The following PCM1 variants were observed in gnomAD, a reference collection of about 807,000 sequenced individuals.
PCM1 encodes the protein pericentriolar material 1 protein.
In PCM1, 157 loss-of-function variants were observed where a neutral mutation model predicts 241.9. The observed-to-expected ratio is 0.65, with a 90% CI of 0.57 to 0.74. The LOEUF is 0.74. Ranked by LOEUF, PCM1 falls within the 30% of genes least tolerant of loss-of-function variation. The pLI is 0.00. For synonymous variants in PCM1, 1,085 were observed against 784.9 expected, an observed-to-expected ratio of 1.38 and a Z score of -6.39; for missense variants, 3,478 against 2,360.1, an observed-to-expected ratio of 1.47 and a Z score of -9.81.
At chr8:17,978,877 G>A (rs1431732906) in intron 23 of PCM1, among the ~76,000 whole-genome samples, 2 of 152,190 alleles carry the variant, frequency 1.3e-5, no homozygotes, top group East Asian at 1.9e-4. Flanking sequence ...TTTCAGACAT[G>A]TAATGATGAT....
At chr8:17,940,039 C>G in intron 6 of PCM1, 178 bp downstream of exon 6, 1 of 1,541,886 alleles carries the variant, frequency 6.5e-7, no homozygotes, top group Non-Finnish European at 8.8e-7. Flanking sequence ...TAAAATATTT[C>G]AGGCTAGAGA....
At chr8:17,994,723 A>G (rs566842813) in intron 29 of PCM1, among the ~76,000 whole-genome samples, 10 of 146,568 alleles carry the variant, frequency 6.8e-5, no homozygotes, top group African/African-American at 2.8e-4. Flanking sequence ...TCTTTGGGAT[A>G]AGTGCCATTT....
intron 36 of PCM1, among the ~76,000 whole-genome samples, chr8:18,024,081 C>G (rs887728693): frequency 6.6e-6 from 1 of 152,228 alleles, no homozygotes; most frequent in Non-Finnish European, 1.5e-5. Flanking sequence ...CAGCCTTAAT[C>G]TTCCTTGAAT....
chr8:17,938,858 A>G lies in PCM1; in HGVS notation c.461A>G (p.Lys154Arg), dbSNP rs779837664. The G allele has an allele frequency of 4.3e-6, 7 of 1,613,738 alleles. No individual in the cohort carries two copies. The South Asian group carries it at 5.5e-5, about 13-fold the overall frequency. Residue 154 changes from lysine to arginine, a missense_variant, in exon 5 of 39, where the codon AAA becomes AGA. Physicochemically the swap from Lys to Arg is conservative, Grantham distance 26. Transcript: ENST00000325083. ...ATGCAGATTAATACTAACAAGAGCA[A>G]AGATGCATCTACAAACCCCCCAAAC... ...LPMQINTNKS[K>R]DASTNPPNRE...
chr8:18,006,106 C>G (rs2091242936), intron 29 of PCM1, 157 bp from the exon 30 acceptor site: 1 of 646,888 alleles, frequency 1.5e-6, no homozygotes, highest in Non-Finnish European at 2.5e-6. Flanking sequence ...AGGAGTTTGG[C>G]TTTTCTTATG....
chr8:17,998,960 G>C (rs1432826727), intron 29 of PCM1, among the ~76,000 whole-genome samples: 1 of 152,152 alleles, frequency 6.6e-6, no homozygotes, highest in Non-Finnish European at 1.5e-5. Context: ...CGGCCCATGA[G>C]TTCTGCTAAT....
Position 17,955,622 on chromosome 8 carries a change from G to C in PCM1, c.1441G>C (p.Glu481Gln). Residue 481 changes from glutamate to glutamine, a missense_variant, in exon 10 of 39, where the codon GAA becomes CAA. Glu to Gln is a conservative substitution (Grantham distance 29). Transcript: ENST00000325083. ...SLVSQNESENEGHLNPSEKLQ... is the reference protein window; with the variant it reads ...SLVSQNESENQGHLNPSEKLQ... ...AGTATCTCAGAATGAGAGTGAAAACGAAGGCCACCTCAATCCATCTGAAAA... is the reference window on the plus strand; with the variant it reads ...AGTATCTCAGAATGAGAGTGAAAACCAAGGCCACCTCAATCCATCTGAAAA... 1 of 1,613,266 alleles carries C rather than the reference G, an allele frequency of 6.2e-7. No homozygotes were observed. The highest frequency in any genetic ancestry group is 8.5e-7 in the Non-Finnish European group (1 of 1,179,498).
chr8:17,966,058 G>A lies in PCM1; in HGVS notation c.2915G>A (p.Arg972Lys). The A allele has an allele frequency of 3.7e-6, 6 of 1,613,848 alleles. No homozygotes were observed. The highest frequency in any genetic ancestry group is 5.1e-6 in the Non-Finnish European group (6 of 1,179,842). Residue 972 changes from arginine to lysine, a missense_variant, in exon 19 of 39, where the codon AGG (arginine) becomes AAG (lysine). By Grantham distance (26) the Arg-to-Lys change is conservative (BLOSUM62 2). Transcript: ENST00000325083. ...DENYRPLAKT[R>K]QQNISMQRQE... ...AATTATCGTCCTTTAGCCAAGACAA[G>A]GCAACAGAATATCAGCATGCAACGG...
chr8:18,011,574 A>C, intron 33 of PCM1, 93 bp from the exon 34 acceptor site: 2 of 1,196,376 alleles, frequency 1.7e-6, no homozygotes, highest in Non-Finnish European at 2.3e-6. Flanking sequence ...ACTGTATATA[A>C]AGCATCTGTG....
intron 23 of PCM1, among the ~76,000 whole-genome samples, chr8:17,979,257 G>T (rs997076899): frequency 2.0e-5 from 3 of 152,050 alleles, no homozygotes; most frequent in Non-Finnish European, 2.9e-5. Flanking sequence ...GATTCCTTCT[G>T]TCCCACCATC....
chr8:18,002,078 CT>C (rs1564305156), intron 29 of PCM1, among the ~76,000 whole-genome samples: 1 of 17,094 alleles, frequency 5.9e-5, no homozygotes, highest in Admixed American at 8.1e-4. Context: ...TTTTTTTTTT[CT>C]TTTTTTTATT....
chr8:17,944,068 A>G (rs930441240), intron 6 of PCM1, among the ~76,000 whole-genome samples: 2 of 152,168 alleles, frequency 1.3e-5, no homozygotes, highest in African/African-American at 2.4e-5. Context: ...TTGTTTTCCT[A>G]TACTCATGGC....
chr8:17,961,759 T>A (rs188205882), intron 15 of PCM1, among the ~76,000 whole-genome samples: 5 of 152,322 alleles, frequency 3.3e-5, no homozygotes, highest in East Asian at 1.9e-4. Flanking sequence ...TAGAGAAATA[T>A]GTTGCAAAGG....
intron 4 of PCM1, among the ~76,000 whole-genome samples, chr8:17,938,442 T>A (rs1247606662): frequency 6.6e-6 from 1 of 152,140 alleles, no homozygotes; most frequent in African/African-American, 2.4e-5. Flanking sequence ...TCCTAACACT[T>A]CTTGTCTGAA....
rs763165625 is a variant in PCM1 at position 18,011,794 on chromosome 8, T to A, written c.5478T>A (p.Thr1826=). 4 of 1,613,160 alleles carry A rather than the reference T, an allele frequency of 2.5e-6. No individual in the cohort carries two copies. The Admixed American group carries it at 6.7e-5, about 27-fold the overall frequency. Residue 1826 remains threonine (T), a synonymous_variant, in exon 34 of 39, where the codon ACT becomes ACA. Coordinates refer to ENST00000325083, the MANE Select transcript of PCM1 (RefSeq NM_006197.4). ...TCCAGACTTCCCTCCAGGCTAACAC[T>A]GAAGCTACTGAAGAAAATGAACATG... ...VDVQTSLQAN[T]EATEENEHDE... is the part of the protein sequence containing the mutation.
At chr8:17,933,548 T>C (rs2059616996) in intron 2 of PCM1, among the ~76,000 whole-genome samples, 1 of 152,224 alleles carries the variant, frequency 6.6e-6, no homozygotes, top group South Asian at 2.1e-4. Flanking sequence ...TATCCCATCA[T>C]GGAAGATAGT....
intron 3 of PCM1, among the ~76,000 whole-genome samples, chr8:17,936,322 AGTTCATAAAGAAGGGG>A (rs1379079278): frequency 4.3e-4 from 66 of 152,272 alleles, no homozygotes; most frequent in African/African-American, 1.6e-3. Context: ...GTGGAAGGAC[AGTTCATAAAGAAGGGG>A]GTTTTGTTAA....
chr8:17,928,158 C>G (rs1284107452), intron 2 of PCM1, among the ~76,000 whole-genome samples: 1 of 152,194 alleles, frequency 6.6e-6, no homozygotes, highest in African/African-American at 2.4e-5. Flanking sequence ...TACTGTCTTT[C>G]TGTTTAACTT....
Position 17,961,527 on chromosome 8 carries a change from G to A in PCM1, c.2323-507G>A, listed in dbSNP as rs113927298. ...GGGGTTTCACCGTGTTAGCCAAGAT[G>A]GTCTCAGTCTCCTGCCGTCGTGATC... On this transcript the variant is annotated intron_variant, in intron 15 of 38. Coordinates refer to ENST00000325083, the MANE Select transcript of PCM1 (RefSeq NM_006197.4). Among the ~76,000 whole-genome samples the A allele has an allele frequency of 9.5e-3, 1,439 of 152,064 alleles. 18 individuals are homozygous for A. The highest frequency in any genetic ancestry group is 0.031 in the African/African-American group (1,300 of 41,476).
Sources: allele counts gnomAD v4.1 joint callset (sites outside exome capture counted in the v4.1 genomes callset), GRCh38; gene constraint gnomAD v4.1.1; transcripts MANE v1.5; gene names NCBI Gene and HGNC (gene_info 2026-07-23, HGNC 2026-07-21).